The following ACOXL variants were observed in gnomAD, a reference collection of about 807,000 sequenced individuals.
The protein encoded by ACOXL is acyl-coenzyme A oxidase-like protein.
A neutral mutation model predicts 71.9 loss-of-function variants in ACOXL; 70 were observed. That is an observed-to-expected ratio of 0.97 (90% CI 0.80 to 1.19). The LOEUF (loss-of-function observed/expected upper bound fraction) is 1.19. Among genes scored for constraint, ACOXL ranks in the 50% most tolerant of loss-of-function variants. The probability of loss-of-function intolerance (pLI) is 0.00; values close to 1 mark genes in which losing one functional copy is unlikely to be tolerated. For synonymous variants in ACOXL, 253 were observed against 281.6 expected (o/e 0.90, Z 1.02); for missense variants, 703 against 736.3 (o/e 0.95, Z 0.52).
intron 17 of ACOXL, among the ~76,000 whole-genome samples, chr2:111,102,913 G>C (rs2069269673): frequency 6.6e-6 from 1 of 152,078 alleles, no homozygotes; most frequent in Non-Finnish European, 1.5e-5. Flanking sequence ...TTACAGACGA[G>C]ACATTGCTGT....
chr2:110,899,092 A>G (rs138885941), intron 10 of ACOXL, among the ~76,000 whole-genome samples: 1 of 152,304 alleles, frequency 6.6e-6, no homozygotes, highest in Non-Finnish European at 1.5e-5. Context: ...ATCTAAATAA[A>G]TGGAGAGACA....
intron 14 of ACOXL, among the ~76,000 whole-genome samples, chr2:111,026,506 A>AAAAATATATTTTATAATATAAATAT (rs2065023415): frequency 2.7e-5 from 4 of 149,146 alleles, no homozygotes; most frequent in South Asian, 2.1e-4. Context: ...TTTATAAAAT[A>AAAAATATATTTTATAATATAAATAT]AAAATATATT....
At chr2:111,003,681 AT>A (rs1467119777) in intron 14 of ACOXL, among the ~76,000 whole-genome samples, 1 of 151,894 alleles carries the variant, frequency 6.6e-6, no homozygotes, top group Non-Finnish European at 1.5e-5. Flanking sequence ...ACAAGGATGT[AT>A]TAAGATAAAA....
At chr2:111,079,928 A>G (rs578034525) in intron 16 of ACOXL, among the ~76,000 whole-genome samples, 47 of 151,906 alleles carry the variant, frequency 3.1e-4, no homozygotes, top group Admixed American at 2.2e-3. Flanking sequence ...CAGGGATTCA[A>G]CTTCTTCCTG....
At chr2:110,924,355 A>G (rs1430589570) in intron 11 of ACOXL, among the ~76,000 whole-genome samples, 2 of 152,292 alleles carry the variant, frequency 1.3e-5, no homozygotes, top group East Asian at 3.9e-4. Flanking sequence ...CTTTCATGAA[A>G]CATTTTTCTG....
chr2:110,925,466 C>T (rs12474577), intron 11 of ACOXL, among the ~76,000 whole-genome samples: 11,996 of 152,292 alleles, frequency 0.079, 713 homozygotes, highest in East Asian at 0.25. Flanking sequence ...GCTGCATCAC[C>T]TTGCATTTCT....
chr2:110,836,265 C>T (rs1690451431), intron 9 of ACOXL, among the ~76,000 whole-genome samples: 1 of 152,174 alleles, frequency 6.6e-6, no homozygotes, highest in Non-Finnish European at 1.5e-5. Context: ...AGAAGGAGAC[C>T]TGGGAAGGGG....
intron 16 of ACOXL, among the ~76,000 whole-genome samples, chr2:111,083,719 A>G (rs1440348196): frequency 6.6e-6 from 1 of 152,138 alleles, no homozygotes; most frequent in Non-Finnish European, 1.5e-5. Context: ...ATACCAGGCA[A>G]GATACTACAA....
intron 8 of ACOXL, among the ~76,000 whole-genome samples, chr2:110,802,473 T>C (rs1686123577): frequency 6.6e-6 from 1 of 152,250 alleles, no homozygotes; most frequent in African/African-American, 2.4e-5. Context: ...CAACCAGCTG[T>C]TTTCCCACCT....
chr2:111,101,245 AAC>A (rs1558969752), intron 17 of ACOXL: 1 of 152,412 alleles, frequency 6.6e-6, no homozygotes, highest in African/African-American at 2.4e-5. Flanking sequence ...GTGATTAAAG[AAC>A]ACACAAAAAA....
intron 11 of ACOXL, among the ~76,000 whole-genome samples, chr2:110,921,978 G>T (rs1273243242): frequency 6.6e-6 from 1 of 152,076 alleles, no homozygotes; most frequent in Admixed American, 6.6e-5. Flanking sequence ...AGTGTTCTAT[G>T]TACACTTAAA....
chr2:110,836,291 C>T (rs1366651709), intron 9 of ACOXL, among the ~76,000 whole-genome samples: 1 of 152,216 alleles, frequency 6.6e-6, no homozygotes, highest in Non-Finnish European at 1.5e-5. Context: ...GAAATCTGTC[C>T]TGTGGATCAC....
intron 7 of ACOXL, among the ~76,000 whole-genome samples, chr2:110,799,872 T>C (rs1298969259): frequency 6.6e-6 from 1 of 152,072 alleles, no homozygotes; most frequent in Non-Finnish European, 1.5e-5. Flanking sequence ...CACCAATCAG[T>C]GCTCTGTAAA....
intron 16 of ACOXL, among the ~76,000 whole-genome samples, chr2:111,053,665 C>T (rs1156284833): frequency 1.3e-5 from 2 of 152,238 alleles, no homozygotes; most frequent in African/African-American, 4.8e-5. Flanking sequence ...TGACAGTCTG[C>T]ACTCGCACCA....
intron 11 of ACOXL, among the ~76,000 whole-genome samples, chr2:110,925,271 C>T (rs549159069): frequency 6.6e-6 from 1 of 152,212 alleles, no homozygotes; most frequent in Non-Finnish European, 1.5e-5. Flanking sequence ...GCATTAGCCC[C>T]TAACAAGAGA....
At chr2:110,846,931 G>A (rs1041741474) in intron 10 of ACOXL, among the ~76,000 whole-genome samples, 5 of 152,156 alleles carry the variant, frequency 3.3e-5, no homozygotes, top group African/African-American at 7.2e-5. Context: ...CTGCCTGCGC[G>A]CTTAACAACA....
At chr2:110,881,281 T>A (rs1696609683) in intron 10 of ACOXL, among the ~76,000 whole-genome samples, 1 of 152,194 alleles carries the variant, frequency 6.6e-6, no homozygotes, top group Admixed American at 6.5e-5. Flanking sequence ...CTGTAAAACA[T>A]GAATTACTTC....
intron 10 of ACOXL, among the ~76,000 whole-genome samples, chr2:110,852,692 C>T (rs1057109278): frequency 6.6e-6 from 1 of 152,178 alleles, no homozygotes; most frequent in African/African-American, 2.4e-5. Flanking sequence ...GCAGCACAAA[C>T]CCTGTTCGCT....
intron 15 of ACOXL, among the ~76,000 whole-genome samples, chr2:111,047,854 T>C (rs1398385124): frequency 6.6e-6 from 1 of 152,226 alleles, no homozygotes; most frequent in Non-Finnish European, 1.5e-5. Flanking sequence ...AAGTATGTCT[T>C]GACTGGATAG....
Sources: allele counts gnomAD v4.1 joint callset (sites outside exome capture counted in the v4.1 genomes callset), GRCh38; gene constraint gnomAD v4.1.1; transcripts MANE v1.5; gene names NCBI Gene and HGNC (gene_info 2026-07-23, HGNC 2026-07-21).